CCDC9: variants seen among roughly 807,000 people sequenced by gnomAD.
CCDC9 encodes the protein coiled-coil domain containing 9, also known as coiled-coil domain-containing protein 9.
In CCDC9, 52 loss-of-function variants were observed where a neutral mutation model predicts 65.6. That is an observed-to-expected ratio of 0.79 (90% CI 0.63 to 1.00). CCDC9 has a LOEUF of 1.00. Among genes scored for constraint, CCDC9 ranks in the 50% least tolerant of loss-of-function variants. The probability of loss-of-function intolerance (pLI) is 0.00; values close to 1 mark genes in which losing one functional copy is unlikely to be tolerated. For synonymous variants in CCDC9, 332 were observed against 280.3 expected, an observed-to-expected ratio of 1.18 and a Z score of -1.84; for missense variants, 834 against 757.2, an observed-to-expected ratio of 1.10 and a Z score of -1.19.
chr19:47,266,439 T>C, intron 7 of CCDC9, 172 bp from the exon 8 acceptor site: 1 of 940,802 alleles, frequency 1.1e-6, no homozygotes, highest in South Asian at 2.0e-5. Context: ...GGATGCTACT[T>C]AGGAGATCTG....
chr19:47,271,653 A>AGGCCT lies in CCDC9; in HGVS notation c.1577_1581dup (p.Phe528GlyfsTer35). On this transcript the variant is annotated frameshift_variant, in exon 12 of 12. Coordinates refer to ENST00000221922, the MANE Select transcript of CCDC9 (RefSeq NM_015603.3). LOFTEE classifies it high-confidence loss of function. ...CTGGCTGGCGCCCTCTCCCCGGGTG[A>AGGCCT]GGCCTGGCCTTTTGAGAGTGTATGA... The AGGCCT allele has an allele frequency of 6.3e-7, 1 of 1,594,596 alleles. No homozygotes were observed. The highest frequency in any genetic ancestry group is 8.5e-7 in the Non-Finnish European group (1 of 1,170,388).
At position 47,260,331 on chromosome 19, in the gene CCDC9, A is replaced by G. The variant is rs1240140316; in HGVS notation, c.119A>G (p.Glu40Gly). ...ALIRRYQEIE[E>G]DRKKAELEGV... is the part of the protein sequence containing the mutation. Reference sequence around the variant, plus strand: ...GCTGTCTGCTCCTAGGAGATTGAGGAAGACCGTAAGAAAGCTGAACTTGAG... The same window carrying G: ...GCTGTCTGCTCCTAGGAGATTGAGGGAGACCGTAAGAAAGCTGAACTTGAG... The change falls in exon 4 of 12, where the codon GAA (glutamate) becomes GGA (glycine). Residue 40 changes from glutamate (E) to glycine (G), a missense_variant. Glu to Gly is a moderately conservative substitution (Grantham distance 98). Coordinates refer to ENST00000221922, the MANE Select transcript of CCDC9 (RefSeq NM_015603.3). 4 of 1,589,782 alleles carry G rather than the reference A, an allele frequency of 2.5e-6. No homozygotes were observed. The highest frequency in any genetic ancestry group is 3.4e-6 in the Non-Finnish European group (4 of 1,167,664).
intron 3 of CCDC9, among the ~76,000 whole-genome samples, chr19:47,259,534 G>C (rs1335420306): frequency 6.6e-6 from 1 of 152,174 alleles, no homozygotes; most frequent in Admixed American, 6.5e-5. Context: ...TTCAGGGCAG[G>C]GGGAGGAAGA....
intron 5 of CCDC9, among the ~76,000 whole-genome samples, chr19:47,261,168 T>C (rs2059043374): frequency 6.6e-6 from 1 of 152,050 alleles, no homozygotes; most frequent in African/African-American, 2.4e-5. Context: ...TGTCCCTCCC[T>C]GTCCCTCTCT....
intron 8 of CCDC9, among the ~76,000 whole-genome samples, chr19:47,268,921 AAATAAT>A (rs200348472): frequency 1.3e-5 from 2 of 150,768 alleles, no homozygotes; most frequent in Non-Finnish European, 3.0e-5. Context: ...CCGTTTCAAA[AAATAAT>A]AATAATAATA....
chr19:47,266,572 G>T (rs1365618931), intron 7 of CCDC9, 39 bp from the exon 8 acceptor site: 1 of 1,481,772 alleles, frequency 6.7e-7, no homozygotes, highest in Non-Finnish European at 9.0e-7. Flanking sequence ...GGGGTAGGGT[G>T]CGGGACATCA....
chr19:47,260,426 AGCTCGTC>A lies in CCDC9; in HGVS notation c.210+5_210+11del. ...GGAGAACGTGGCAGTGGAGTCGGTGAGCTCGTCACTGGGGTGTGGGACCCTGAGGATG... is the reference window on the plus strand; with the variant it reads ...GGAGAACGTGGCAGTGGAGTCGGTGAACTGGGGTGTGGGACCCTGAGGATG... On this transcript the variant is annotated splice_donor_5th_base_variant and intron_variant, in intron 4 of 11. Transcript: ENST00000221922. The A allele has an allele frequency of 6.2e-7, 1 of 1,609,236 alleles. No homozygotes were observed. Among genetic ancestry groups the A allele is most frequent in the Non-Finnish European group, 8.5e-7 (1 of 1,177,800 alleles).
At chr19:47,266,121 G>A (rs762320319) in intron 7 of CCDC9, among the ~76,000 whole-genome samples, 78 of 142,440 alleles carry the variant, frequency 5.5e-4, no homozygotes, top group Non-Finnish European at 9.6e-4. Flanking sequence ...TCAGCCTCCC[G>A]AAAAGCTGGG....
chr19:47,266,485 G>T, intron 7 of CCDC9, 126 bp from the exon 8 acceptor site: 1 of 1,406,666 alleles, frequency 7.1e-7, no homozygotes, highest in Non-Finnish European at 9.3e-7. Context: ...CCTGAGCCTA[G>T]TTGATTGTGA....
chr19:47,260,494 G>C (rs1041600789), intron 4 of CCDC9, 72 bp downstream of exon 4: 2 of 1,603,296 alleles, frequency 1.2e-6, no homozygotes. Context: ...GGACCCAGGA[G>C]CCCCCAGCTG....
chr19:47,272,211 C>T, downstream of CCDC9: 4 of 1,184,422 alleles, frequency 3.4e-6, no homozygotes, highest in Non-Finnish European at 4.2e-6. Flanking sequence ...TCCTCTTTCT[C>T]TGGGGCTGAG....
chr19:47,274,997 C>T (rs1481506500), downstream of CCDC9: 3 of 1,471,648 alleles, frequency 2.0e-6, no homozygotes, highest in Non-Finnish European at 2.7e-6. Context: ...CGCGGGGGCG[C>T]TGGCTGCGCT....
In CCDC9 at chr19:47,260,880, C is replaced by G. The variant is rs368059918; in HGVS notation, c.462+41C>G. On this transcript the variant is annotated intron_variant, in intron 5 of 11. Transcript: ENST00000221922. ...CGCCTGGAGCCCTGGCTGAGGTTCTCTGTTGTCTGTTTCTGTTTTTTCCTC... is the reference window on the plus strand; with the variant it reads ...CGCCTGGAGCCCTGGCTGAGGTTCTGTGTTGTCTGTTTCTGTTTTTTCCTC... The G allele has an allele frequency of 4.4e-5, 69 of 1,579,626 alleles. No homozygotes were observed. In the South Asian group the frequency reaches 6.6e-4, roughly 15 times the overall value.
intron 7 of CCDC9, among the ~76,000 whole-genome samples, chr19:47,265,550 T>G (rs1199042451): frequency 6.6e-6 from 1 of 152,156 alleles, no homozygotes; most frequent in South Asian, 2.1e-4. Flanking sequence ...ATTGTCCGTC[T>G]GTTGGTTCTT....
At position 47,258,474 on chromosome 19, in the gene CCDC9, G is replaced by A. The variant is rs114448157; in HGVS notation, c.3+71G>A. On this transcript the variant is annotated intron_variant, in intron 2 of 11. Transcript: ENST00000221922. ...GGGGCTTGGGAGGATGGGATCCATA[G>A]GGGCAGACTCTCAGACCCTGGGGGA... 3,003 of 1,607,982 alleles carry A rather than the reference G, an allele frequency of 1.9e-3. 44 individuals carry two copies. In the African/African-American group the frequency reaches 0.034, roughly 18 times the overall value.
chr19:47,275,590 C>T, downstream of CCDC9: 1 of 552,594 alleles, frequency 1.8e-6, no homozygotes, highest in Non-Finnish European at 3.2e-6. Context: ...AGCTCTGTCT[C>T]CTGCCCCTCC....
intron 3 of CCDC9, 68 bp from the exon 4 acceptor site, chr19:47,260,253 A>G (rs111512976): frequency 1.0e-5 from 12 of 1,150,180 alleles, no homozygotes; most frequent in African/African-American, 6.1e-5. Flanking sequence ...GGAGGAGTTC[A>G]GGGGTCTGGG....
rs375880866 is a variant in CCDC9, at chr19:47,256,617, G to C, written c.-72+8G>C. 6.8e-6 allele frequency: 1 copy of C among 146,190 alleles called. No homozygotes were observed. Among genetic ancestry groups the C allele is most frequent in the Non-Finnish European group, 1.5e-5 (1 of 66,426 alleles). 9.1% of individuals were successfully genotyped at this position (146,190 alleles called of 1,614,324 possible). The stretch of plus-strand genomic sequence containing the variant: ...GCGGGGTCTCCGGGACAGGTGACCT[G>C]GGGGAGGGGGCCGGGAGCGCGCCCA... On this transcript the variant is annotated splice_region_variant and intron_variant, in intron 1 of 11. Transcript: ENST00000221922.
At chr19:47,265,885 A>C (rs2059078402) in intron 7 of CCDC9, among the ~76,000 whole-genome samples, 1 of 145,828 alleles carries the variant, frequency 6.9e-6, no homozygotes, top group Non-Finnish European at 1.5e-5. Context: ...ATGGGGTTTC[A>C]CCATGTTAGC....
Sources: gnomAD v4.1 joint callset for allele counts (sites outside exome capture counted in the v4.1 genomes callset) on GRCh38, gnomAD v4.1.1 for gene constraint, MANE v1.5 for transcripts, NCBI Gene and HGNC (gene_info 2026-07-23, HGNC 2026-07-21) for gene names.